GNB1: variants seen among roughly 807,000 people sequenced by gnomAD.
GNB1 encodes guanine nucleotide-binding protein G(I)/G(S)/G(T) subunit beta-1.
In GNB1, 2 loss-of-function variants were observed where a neutral mutation model predicts 42.9. The ratio of observed to expected loss-of-function variants is 0.05; its 90% CI spans 0.02 to 0.15. The LOEUF is 0.15. Ranked by LOEUF, GNB1 falls within the 10% of genes least tolerant of loss-of-function variation. The probability of loss-of-function intolerance (pLI) is 1.00; values close to 1 mark genes in which losing one functional copy is unlikely to be tolerated. For missense variants in GNB1, 193 were observed against 462.2 expected (o/e 0.42, Z 5.34); for synonymous variants, 183 against 174.7 (o/e 1.05, Z -0.38).
At chr1:1,873,188 G>A (rs1649344414) in intron 1 of GNB1, among the ~76,000 whole-genome samples, 1 of 152,146 alleles carries the variant, frequency 6.6e-6, no homozygotes, top group African/African-American at 2.4e-5. Flanking sequence ...GCATGAGGCA[G>A]CACTCCTGGC....
intron 1 of GNB1, among the ~76,000 whole-genome samples, chr1:1,877,159 G>A (rs922703994): frequency 6.6e-6 from 1 of 151,824 alleles, no homozygotes; most frequent in African/African-American, 2.4e-5. Flanking sequence ...AATTAGCCAG[G>A]CATGGTGGTG....
chr1:1,879,903 C>G (rs944835127), intron 1 of GNB1, among the ~76,000 whole-genome samples: 1 of 151,988 alleles, frequency 6.6e-6, no homozygotes, highest in East Asian at 1.9e-4. Context: ...AGATATGCAG[C>G]TGGAAAAAGA....
intron 1 of GNB1, among the ~76,000 whole-genome samples, chr1:1,840,648 C>A (rs1647218327): frequency 6.6e-6 from 1 of 152,236 alleles, no homozygotes; most frequent in South Asian, 2.1e-4. Flanking sequence ...TCATCTGAAT[C>A]TCAAGGAAGC....
chr1:1,879,751 T>C (rs1031742144), intron 1 of GNB1, among the ~76,000 whole-genome samples: 11 of 151,438 alleles, frequency 7.3e-5, no homozygotes, highest in African/African-American at 2.7e-4. Flanking sequence ...AGAAAAATAA[T>C]CTGGTGATAA....
intron 1 of GNB1, among the ~76,000 whole-genome samples, 166 bp downstream of exon 1, chr1:1,890,654 G>C (rs1054762450): frequency 3.4e-5 from 5 of 147,352 alleles, no homozygotes; most frequent in Non-Finnish European, 6.1e-5. Context: ...CCCGAACCTC[G>C]GACCCCAGCC....
At chr1:1,829,921 G>C (rs938603307) in intron 2 of GNB1, among the ~76,000 whole-genome samples, 1 of 151,966 alleles carries the variant, frequency 6.6e-6, no homozygotes, top group African/African-American at 2.4e-5. Context: ...TGTATTTTTA[G>C]TAGAGACAGG....
chr1:1,825,236 C>G, intron 3 of GNB1, 161 bp downstream of exon 3: 1 of 637,292 alleles, frequency 1.6e-6, no homozygotes, highest in Non-Finnish European at 2.8e-6. Flanking sequence ...ATGTACTAGG[C>G]TAAGTATCTA....
chr1:1,866,642 A>G (rs920017854), intron 1 of GNB1, among the ~76,000 whole-genome samples: 3 of 151,812 alleles, frequency 2.0e-5, no homozygotes, highest in African/African-American at 7.3e-5. Context: ...GCTTAAAAAA[A>G]AAAAAAATCG....
chr1:1,828,604 C>G (rs1016778875), intron 2 of GNB1, among the ~76,000 whole-genome samples: 1 of 152,156 alleles, frequency 6.6e-6, no homozygotes, highest in Non-Finnish European at 1.5e-5. Flanking sequence ...AACTCGCTAA[C>G]TTTCATCTTT....
At chr1:1,820,356 T>TAAAAAAAAAAA (rs35466451) in intron 3 of GNB1, among the ~76,000 whole-genome samples, 3 of 101,874 alleles carry the variant, frequency 2.9e-5, no homozygotes, top group East Asian at 2.9e-4. Context: ...AGACTCTGTT[T>TAAAAAAAAAAA]AAAAAAAAAA....
chr1:1,879,138 G>A (rs1649703339), intron 1 of GNB1, among the ~76,000 whole-genome samples: 1 of 152,164 alleles, frequency 6.6e-6, no homozygotes, highest in African/African-American at 2.4e-5. Flanking sequence ...GCACATGGGG[G>A]CAGGGACAGG....
chr1:1,879,833 C>G (rs962054052), intron 1 of GNB1, among the ~76,000 whole-genome samples: 2 of 152,148 alleles, frequency 1.3e-5, no homozygotes, highest in African/African-American at 4.8e-5. Context: ...CGTGTCTGCT[C>G]TCAGCCTGAT....
chr1:1,871,039 G>A (rs920289567), intron 1 of GNB1, among the ~76,000 whole-genome samples: 4 of 150,792 alleles, frequency 2.7e-5, no homozygotes, highest in Non-Finnish European at 5.9e-5. Context: ...TCTTTAAGTC[G>A]TATCTACACA....
At chr1:1,794,551 AACT>A (rs1006886153) in intron 7 of GNB1, among the ~76,000 whole-genome samples, 1 of 152,158 alleles carries the variant, frequency 6.6e-6, no homozygotes, top group African/African-American at 2.4e-5. Context: ...CCTTCCCCCC[AACT>A]ACACCCCAGG....
chr1:1,815,924 C>T (rs1453568794), intron 4 of GNB1, 62 bp from the exon 5 acceptor site: 2 of 1,021,954 alleles, frequency 2.0e-6, no homozygotes, highest in Admixed American at 1.9e-5. Flanking sequence ...CCTCATCACC[C>T]ATCCTTGTCA....
intron 2 of GNB1, among the ~76,000 whole-genome samples, chr1:1,831,361 A>G (rs1647073368): frequency 6.6e-6 from 1 of 152,196 alleles, no homozygotes; most frequent in Admixed American, 6.5e-5. Context: ...AATAACTGTA[A>G]CATATTGCTA....
At chr1:1,804,731 C>T (rs1646673247) in intron 6 of GNB1, 150 bp from the exon 7 acceptor site, 1 of 613,324 alleles carries the variant, frequency 1.6e-6, no homozygotes, top group Admixed American at 3.1e-5. Context: ...CCATATGTGG[C>T]CACTCAGGTG....
chr1:1,855,866 T>C (rs1283674828), intron 1 of GNB1, among the ~76,000 whole-genome samples: 1 of 152,238 alleles, frequency 6.6e-6, no homozygotes. Flanking sequence ...CAGAACTAGA[T>C]GCTATGACCT....
intron 2 of GNB1, among the ~76,000 whole-genome samples, chr1:1,829,052 A>ATTTTC (rs570830172): frequency 6.6e-5 from 10 of 152,110 alleles, no homozygotes; most frequent in South Asian, 2.1e-4. Context: ...ATAAAGATAT[A>ATTTTC]TTTTCTTTTC....
Sources: allele counts gnomAD v4.1 joint callset (sites outside exome capture counted in the v4.1 genomes callset), GRCh38; gene constraint gnomAD v4.1.1; transcripts MANE v1.5; gene names NCBI Gene and HGNC (gene_info 2026-07-23, HGNC 2026-07-21).